STS: variants seen among roughly 807,000 people sequenced by gnomAD.
STS encodes the protein steryl-sulfatase.
In STS, 7 loss-of-function variants were observed where a neutral mutation model predicts 26.8. The observed-to-expected ratio is 0.26, with a 90% CI of 0.15 to 0.49. The LOEUF (loss-of-function observed/expected upper bound fraction) is 0.49, where lower values mean the gene tolerates loss of function less well. Among genes scored for constraint, STS ranks in the 20% least tolerant of loss-of-function variants. The pLI, the probability that STS is intolerant of heterozygous loss-of-function variation, is 0.98. For synonymous variants in STS, 199 were observed against 189.4 expected (o/e 1.05, Z -0.42); for missense variants, 434 against 465.6 (o/e 0.93, Z 0.63).
Position 7,167,211 on chromosome X carries a change from T to G in STS, c.-134+19128T>G, listed in dbSNP as rs1014540839. ...CAATATCAAGTTGTTGATAAAAAAT[T>G]TATTTATTTATTTATTTATTTAGAG... On this transcript the variant is annotated intron_variant, in intron 1 of 10. Transcript: ENST00000674429. 3.7e-5 allele frequency among the ~76,000 whole-genome samples: 4 copies of G among 109,020 alleles called. No individual in the cohort carries two copies. In the East Asian group the frequency reaches 1.2e-3, roughly 31 times the overall value. The allele number at this position is 109,020 out of a possible 115,157, so 94.7% of individuals were successfully genotyped here. A position where few individuals can be genotyped will look rare whatever the true frequency, so the allele number is the denominator to read the frequency against.
At chrX:7,237,241 G>A (rs1178321847) in intron 2 of STS, among the ~76,000 whole-genome samples, 1 of 105,751 alleles carries the variant, frequency 9.5e-6, no homozygotes, top group East Asian at 2.9e-4. Flanking sequence ...CAAGTTCTTA[G>A]GAGAGAAAAA....
At chrX:7,323,451 C>A (rs1351197477) in intron 8 of STS, among the ~76,000 whole-genome samples, 3 of 111,178 alleles carry the variant, frequency 2.7e-5, no homozygotes, top group Non-Finnish European at 5.7e-5. Flanking sequence ...GTTTAGCTCC[C>A]ACTTATAAGT....
At chrX:7,206,179 T>C (rs1431728342) in intron 2 of STS, among the ~76,000 whole-genome samples, 1 of 112,115 alleles carries the variant, frequency 8.9e-6, no homozygotes, top group Non-Finnish European at 1.9e-5. Context: ...CTATATTTTG[T>C]TTTATTGCTT....
intron 2 of STS, among the ~76,000 whole-genome samples, chrX:7,204,527 C>A (rs1309689303): frequency 1.2e-5 from 1 of 84,623 alleles, no homozygotes; most frequent in Non-Finnish European, 2.3e-5. Context: ...CTTCCTCCCT[C>A]CCTCCCTCCC....
intron 7 of STS, among the ~76,000 whole-genome samples, chrX:7,292,709 C>G (rs1925479529): frequency 9.0e-6 from 1 of 111,230 alleles, no homozygotes; most frequent in African/African-American, 3.3e-5. Flanking sequence ...TGACCATTCA[C>G]AGAATAGTCA....
In STS at chrX:7,316,552, G is replaced by A. The variant is rs7064866; in HGVS notation, c.1082-8787G>A. Among the ~76,000 whole-genome samples the A allele has an allele frequency of 9.2e-3, 1,026 of 112,085 alleles. 8 individuals are homozygous for A. The highest frequency in any genetic ancestry group is 0.037 in the Middle Eastern group (8 of 217). On this transcript the variant is annotated intron_variant, in intron 8 of 10. Transcript: ENST00000674429. Reference sequence around the variant, plus strand: ...AAAAAGTTTGCCAACCCTTGACTTAGATTCCTTAGCAGTTGGATGTATTGC... The same window carrying A: ...AAAAAGTTTGCCAACCCTTGACTTAAATTCCTTAGCAGTTGGATGTATTGC...
intron 6 of STS, 129 bp downstream of exon 6, chrX:7,259,901 A>T (rs1923650574): frequency 1.1e-6 from 1 of 877,764 alleles, no homozygotes; most frequent in East Asian, 3.3e-5. Flanking sequence ...TTTGAGACAG[A>T]GTCTTGCTCT....
chrX:7,337,008 C>A (rs1403900705), intron 10 of STS, among the ~76,000 whole-genome samples: 1 of 111,871 alleles, frequency 8.9e-6, no homozygotes, highest in Non-Finnish European at 1.9e-5. Flanking sequence ...GCAATTCCTT[C>A]AACTCTTCTG....
chrX:7,190,304 G>A (rs777039852), intron 1 of STS, among the ~76,000 whole-genome samples: 1 of 110,012 alleles, frequency 9.1e-6, no homozygotes, highest in East Asian at 2.9e-4. Context: ...TTCACAATAG[G>A]TTTTGTGCTC....
chrX:7,349,896 A>G lies in STS; in HGVS notation c.1372A>G (p.Ile458Val). The G allele has an allele frequency of 8.3e-7, 1 of 1,211,651 alleles. No individual in the cohort carries two copies. Among genetic ancestry groups the G allele is most frequent in the Non-Finnish European group, 1.1e-6 (1 of 895,426 alleles). The change falls in exon 11 of 11, where the codon ATC becomes GTC. Residue 458 changes from isoleucine (I) to valine (V), a missense_variant. Around this residue, in one of 2 missense-constraint regions of STS, gnomAD observed 205 missense variants for 177.3 expected, o/e 1.16. Coordinates refer to ENST00000674429, the MANE Select transcript of STS (RefSeq NM_001320752.2). ...VRWHPQNSTS[I>V]WKAFFFTPNF... is the part of the protein sequence containing the mutation. Reference sequence around the variant, plus strand: ...ATCCTTTTAAACCACAGGCACATCCATCTGGAAGGCCTTTTTCTTCACCCC... The same window carrying G: ...ATCCTTTTAAACCACAGGCACATCCGTCTGGAAGGCCTTTTTCTTCACCCC...
chrX:7,205,071 G>A (rs1423557551), intron 2 of STS, among the ~76,000 whole-genome samples: 2 of 111,658 alleles, frequency 1.8e-5, no homozygotes, highest in Non-Finnish European at 3.8e-5. Context: ...GGGCATGTGT[G>A]GTACCCAGAC....
chrX:7,241,816 G>C (rs1217307297), intron 2 of STS, among the ~76,000 whole-genome samples: 1 of 111,976 alleles, frequency 8.9e-6, no homozygotes, highest in African/African-American at 3.2e-5. Flanking sequence ...GCTACTTCAG[G>C]TGTCATGGCT....
chrX:7,155,886 C>T (rs780900616), intron 1 of STS, among the ~76,000 whole-genome samples: 2 of 112,106 alleles, frequency 1.8e-5, no homozygotes, highest in Non-Finnish European at 3.8e-5. Flanking sequence ...TGGAGGCTCA[C>T]GCCTATAATC....
At chrX:7,201,533 G>A (rs1027169389) in intron 2 of STS, among the ~76,000 whole-genome samples, 1 of 110,183 alleles carries the variant, frequency 9.1e-6, no homozygotes, top group Non-Finnish European at 1.9e-5. Flanking sequence ...AGGGTCAGCA[G>A]GCCCTCCACC....
chrX:7,321,255 G>C (rs1396510187), intron 8 of STS, among the ~76,000 whole-genome samples: 1 of 111,242 alleles, frequency 9.0e-6, no homozygotes, highest in East Asian at 2.8e-4. Flanking sequence ...GGGAACAACA[G>C]ACTCTGGGGC....
chrX:7,207,427 G>A (rs1335033483), intron 2 of STS, among the ~76,000 whole-genome samples: 1 of 112,337 alleles, frequency 8.9e-6, no homozygotes, highest in East Asian at 2.8e-4. Flanking sequence ...CAGGATTGGA[G>A]AATGGTGGTT....
At chrX:7,221,298 A>C (rs1921555467) in intron 2 of STS, among the ~76,000 whole-genome samples, 1 of 112,080 alleles carries the variant, frequency 8.9e-6, no homozygotes, top group Non-Finnish European at 1.9e-5. Context: ...GCCATTCCCC[A>C]TGTTGGATAA....
intron 2 of STS, among the ~76,000 whole-genome samples, chrX:7,203,685 A>G (rs1433735436): frequency 8.9e-6 from 1 of 111,813 alleles, no homozygotes; most frequent in Non-Finnish European, 1.9e-5. Context: ...CTGCAAACTA[A>G]TCCCAAATAA....
chrX:7,168,902 A>T (rs1299727782), intron 1 of STS, among the ~76,000 whole-genome samples: 1 of 111,621 alleles, frequency 9.0e-6, no homozygotes, highest in Non-Finnish European at 1.9e-5. Context: ...GGGATGTCAT[A>T]TCATGCTAGT....
Sources: gnomAD v4.1 joint callset for allele counts (sites outside exome capture counted in the v4.1 genomes callset) on GRCh38, gnomAD v4.1.1 for gene constraint, gnomAD v4.1.1 regional missense constraint, MANE v1.5 for transcripts, NCBI Gene and HGNC (gene_info 2026-07-23, HGNC 2026-07-21) for gene names.